Variants in DNMBP observed in about 807,000 individuals in gnomAD.
The protein encoded by DNMBP is dynamin binding protein, also known as dynamin-binding protein.
A neutral mutation model predicts 150.0 loss-of-function variants in DNMBP; 87 were observed. That is an observed-to-expected ratio of 0.58 (90% CI 0.49 to 0.69). DNMBP has a LOEUF of 0.69. Ranked by LOEUF, DNMBP falls within the 30% of genes least tolerant of loss-of-function variation. The pLI is 0.00. For missense variants in DNMBP, 1,774 were observed against 1,949.0 expected (o/e 0.91, Z 1.69); for synonymous variants, 711 against 750.4 (o/e 0.95, Z 0.86).
At chr10:99,966,593 C>T (rs1255256333) in intron 3 of DNMBP, among the ~76,000 whole-genome samples, 1 of 152,204 alleles carries the variant, frequency 6.6e-6, no homozygotes, top group African/African-American at 2.4e-5. Flanking sequence ...ATATGGACTA[C>T]AGACTCCACT....
Position 99,880,194 on chromosome 10 carries a change from T to C in DNMBP, c.4165A>G (p.Ser1389Gly), listed in dbSNP as rs1327682395. 2.5e-6 allele frequency: 4 copies of C among 1,614,180 alleles called. No homozygotes were observed. Among genetic ancestry groups the C allele is most frequent in the Non-Finnish European group, 3.4e-6 (4 of 1,180,030 alleles). Residue 1389 changes from serine (S) to glycine (G), a missense_variant, in exon 16 of 17, where the codon AGC (serine) becomes GGC (glycine). Coordinates refer to ENST00000324109, the MANE Select transcript of DNMBP (RefSeq NM_015221.4). ...CCCGAGGTAAAGGATACAGCCATGCTGCTGGGGTTGAAGGTCAGGGTGCTG... is the reference window on the plus strand; with the variant it reads ...CCCGAGGTAAAGGATACAGCCATGCCGCTGGGGTTGAAGGTCAGGGTGCTG... ...SGSTLTFNPS[S>G]MAVSFTSGSC... is the part of the protein sequence containing the mutation.
In DNMBP at chr10:99,884,136, T is replaced by G; in HGVS notation, c.3872A>C (p.Gln1291Pro). Reference protein sequence around the residue: ...LARYPPEKLFQAERNFNAAQD... With the variant: ...LARYPPEKLFPAERNFNAAQD... ...AGCAGCATTGAAGTTCCGTTCTGCC[T>G]GGAAGAGTTTTTCAGGGGGATACCT... The change falls in exon 15 of 17, where the codon CAG becomes CCG. Residue 1291 changes from glutamine (Q) to proline (P), a missense_variant. Transcript: ENST00000324109. 5.6e-6 allele frequency: 9 copies of G among 1,614,144 alleles called. No homozygotes were observed. The highest frequency in any genetic ancestry group is 6.8e-6 in the Non-Finnish European group (8 of 1,180,030).
chr10:99,922,502 GTTTTTTTTTTT>G (rs71189108), intron 4 of DNMBP, among the ~76,000 whole-genome samples: 13 of 78,776 alleles, frequency 1.7e-4, no homozygotes, highest in African/African-American at 6.1e-4. Flanking sequence ...AGCTGCTGCT[GTTTTTTTTTTT>G]TTTTTTTTTT....
chr10:99,995,026 G>A (rs928818011), intron 1 of DNMBP, among the ~76,000 whole-genome samples: 1 of 151,816 alleles, frequency 6.6e-6, no homozygotes, highest in African/African-American at 2.4e-5. Context: ...AAGCAGCTGG[G>A]CATGCGCCAC....
intron 1 of DNMBP, among the ~76,000 whole-genome samples, chr10:99,995,716 C>T (rs888518156): frequency 6.6e-6 from 1 of 150,814 alleles, no homozygotes; most frequent in African/African-American, 2.5e-5. Context: ...AAAGTGAATA[C>T]ACAGAGAGAC....
chr10:99,992,825 C>T (rs1216334605), intron 1 of DNMBP, among the ~76,000 whole-genome samples: 1 of 151,954 alleles, frequency 6.6e-6, no homozygotes, highest in African/African-American at 2.4e-5. Context: ...CGCATCCGGC[C>T]GAGTCTAGGA....
chr10:99,936,660 GTGC>G (rs1235897296), intron 4 of DNMBP, among the ~76,000 whole-genome samples: 2 of 151,746 alleles, frequency 1.3e-5, no homozygotes, highest in African/African-American at 4.8e-5. Context: ...AATACTTGAT[GTGC>G]TATTACGTGC....
chr10:99,947,195 G>A (rs762753085), intron 4 of DNMBP, among the ~76,000 whole-genome samples: 6 of 152,160 alleles, frequency 3.9e-5, no homozygotes, highest in Non-Finnish European at 8.8e-5. Flanking sequence ...ACTATCATTC[G>A]ACTTAGCAAT....
intron 5 of DNMBP, 70 bp from the exon 6 acceptor site, chr10:99,908,164 C>A: frequency 8.9e-7 from 1 of 1,119,354 alleles, no homozygotes; most frequent in Non-Finnish European, 1.3e-6. Context: ...ATCTTAGGAA[C>A]AGCTCTTCAA....
intron 4 of DNMBP, among the ~76,000 whole-genome samples, chr10:99,928,557 A>T (rs1232532612): frequency 6.6e-6 from 1 of 152,234 alleles, no homozygotes; most frequent in African/African-American, 2.4e-5. Flanking sequence ...GTAGAAATAA[A>T]GCTCACTTAT....
intron 4 of DNMBP, among the ~76,000 whole-genome samples, chr10:99,935,134 T>C (rs1391240688): frequency 2.4e-5 from 2 of 81,870 alleles, no homozygotes; most frequent in Non-Finnish European, 5.5e-5. Context: ...AGGGAAGAAA[T>C]ATTTTGAAAG....
At chr10:99,895,888 A>G (rs1414211342) in intron 10 of DNMBP, among the ~76,000 whole-genome samples, 1 of 152,214 alleles carries the variant, frequency 6.6e-6, no homozygotes, top group Non-Finnish European at 1.5e-5. Flanking sequence ...GTCAACTTTC[A>G]GCATCGCCGA....
intron 4 of DNMBP, among the ~76,000 whole-genome samples, chr10:99,938,288 AATC>A (rs1209711269): frequency 7.9e-5 from 12 of 152,334 alleles, no homozygotes; most frequent in African/African-American, 2.9e-4. Context: ...TCAGGCCTGT[AATC>A]CCAGCACTTT....
At position 99,956,948 on chromosome 10, in the gene DNMBP, C is replaced by T; in HGVS notation, c.526G>A (p.Gly176Arg). The T allele has an allele frequency of 6.2e-7, 1 of 1,614,188 alleles. No individual in the cohort carries two copies. The highest frequency in any genetic ancestry group is 8.5e-7 in the Non-Finnish European group (1 of 1,180,044). The change falls in exon 4 of 17, where the codon GGA becomes AGA. Residue 176 changes from glycine (G) to arginine (R), a missense_variant. Gly to Arg is a moderately radical substitution (Grantham distance 125). Around this residue, in one of 2 missense-constraint regions of DNMBP, gnomAD observed 344 missense variants for 456.6 expected, o/e 0.75. Transcript: ENST00000324109. ...FREGDVITII[G>R]VPEPGWFEGE... The stretch of plus-strand genomic sequence containing the variant: ...TCAAACCAGCCTGGTTCAGGAACTC[C>T]AATAATGGTGATCACATCCCCTTCC...
At chr10:99,930,481 C>T (rs549584222) in intron 4 of DNMBP, 18 of 702,964 alleles carry the variant, frequency 2.6e-5, no homozygotes, top group South Asian at 1.2e-4. Context: ...TCATGACCTC[C>T]GTGGTACACA....
In DNMBP at chr10:99,927,235, T is replaced by C. The variant is rs567674755; in HGVS notation, c.2261-18089A>G. On this transcript the variant is annotated intron_variant, in intron 4 of 16. Transcript: ENST00000324109. ...AACTTGAAGTGTTTACGGTCTAGGG[T>C]AGATGTCCAACAGGGAGCAGGGACT... The C allele has an allele frequency of 2.0e-5, 3 of 152,026 alleles. No homozygotes were observed. In the South Asian group the frequency reaches 6.2e-4, roughly 32 times the overall value. The allele number at this position is 152,026 out of a possible 1,614,324, so 9.4% of individuals were successfully genotyped here.
intron 4 of DNMBP, among the ~76,000 whole-genome samples, chr10:99,950,793 G>C (rs1280574481): frequency 1.3e-5 from 2 of 152,140 alleles, no homozygotes; most frequent in Non-Finnish European, 2.9e-5. Flanking sequence ...GTTTTATAAG[G>C]GATGTACAGA....
intron 3 of DNMBP, among the ~76,000 whole-genome samples, chr10:99,960,281 A>C (rs1040240551): frequency 4.6e-5 from 7 of 152,190 alleles, no homozygotes; most frequent in African/African-American, 1.7e-4. Context: ...TAGATTATCT[A>C]TTTTAATCTT....
intron 4 of DNMBP, chr10:99,913,888 A>T: frequency 1.6e-6 from 2 of 1,274,874 alleles, no homozygotes; most frequent in Non-Finnish European, 2.0e-6. Flanking sequence ...GGTGCCCTTG[A>T]ACAGGGACGA....
Sources: gnomAD v4.1 joint callset for allele counts (sites outside exome capture counted in the v4.1 genomes callset) on GRCh38, gnomAD v4.1.1 for gene constraint, gnomAD v4.1.1 regional missense constraint, MANE v1.5 for transcripts, NCBI Gene and HGNC (gene_info 2026-07-23, HGNC 2026-07-21) for gene names.